The following APBB2 variants were observed in gnomAD, a reference collection of about 807,000 sequenced individuals.
APBB2 encodes Fe65-like 1.
Under a neutral mutation model 82.5 loss-of-function variants are expected in APBB2, and 38 were observed. That is an observed-to-expected ratio of 0.46 (90% CI 0.36 to 0.60). APBB2 has a LOEUF of 0.60. Ranked by LOEUF, APBB2 falls within the 20% of genes least tolerant of loss-of-function variation. The probability of loss-of-function intolerance (pLI) is 0.00; values close to 1 mark genes in which losing one functional copy is unlikely to be tolerated. For synonymous variants in APBB2, 341 were observed against 368.2 expected, an observed-to-expected ratio of 0.93 and a Z score of 0.85; for missense variants, 772 against 972.3, an observed-to-expected ratio of 0.79 and a Z score of 2.74.
rs190165985 is a variant in APBB2, at chr4:40,917,510, G to A, written c.1254+16946C>T. On this transcript the variant is annotated intron_variant, in intron 10 of 17. Transcript: ENST00000508593. ...CATATCCCACAATACCTAGGTAAGTGCTAAGCAGATAACCAGTACTTAAGA... is the reference window on the plus strand; with the variant it reads ...CATATCCCACAATACCTAGGTAAGTACTAAGCAGATAACCAGTACTTAAGA... 9.2e-5 allele frequency among the ~76,000 whole-genome samples: 14 copies of A among 152,250 alleles called. 1 individual carries two copies. The East Asian group carries it at 2.7e-3, about 29-fold the overall frequency.
intron 1 of APBB2, among the ~76,000 whole-genome samples, chr4:41,189,655 T>C (rs1437199578): frequency 6.6e-6 from 1 of 152,198 alleles, no homozygotes; most frequent in Non-Finnish European, 1.5e-5. Context: ...TCAGTACAAG[T>C]AAATAGCGGT....
At chr4:41,089,091 G>A (rs1740842002) in intron 3 of APBB2, among the ~76,000 whole-genome samples, 1 of 152,132 alleles carries the variant, frequency 6.6e-6, no homozygotes, top group African/African-American at 2.4e-5. Context: ...ACCATCGCAG[G>A]TTAAACACAG....
chr4:41,211,407 C>T (rs1010715926), intron 1 of APBB2, among the ~76,000 whole-genome samples: 6 of 151,620 alleles, frequency 4.0e-5, no homozygotes, highest in East Asian at 1.9e-4. Flanking sequence ...CCCCCGCCCC[C>T]GGAAAACTTA....
chr4:41,201,247 A>C (rs1289582672), intron 1 of APBB2, among the ~76,000 whole-genome samples: 1 of 152,202 alleles, frequency 6.6e-6, no homozygotes, highest in Non-Finnish European at 1.5e-5. Flanking sequence ...ACATTTCCCA[A>C]GCCTATCAAA....
intron 6 of APBB2, among the ~76,000 whole-genome samples, chr4:40,961,719 C>T (rs1257678452): frequency 1.5e-5 from 2 of 129,398 alleles, no homozygotes; most frequent in Admixed American, 7.9e-5. Flanking sequence ...TTTCCTGATT[C>T]TCATCTGGCC....
intron 1 of APBB2, among the ~76,000 whole-genome samples, chr4:41,202,937 A>G (rs1343320841): frequency 6.6e-6 from 1 of 152,218 alleles, no homozygotes; most frequent in Non-Finnish European, 1.5e-5. Context: ...AATTGTATAT[A>G]TACTCCAAAT....
intron 6 of APBB2, among the ~76,000 whole-genome samples, chr4:40,962,595 T>C (rs1487945811): frequency 6.6e-6 from 1 of 152,182 alleles, no homozygotes; most frequent in Non-Finnish European, 1.5e-5. Context: ...AGGTGGGCAA[T>C]GTAAGTTTTC....
At chr4:40,934,816 G>A (rs1578556904) in intron 8 of APBB2, 117 bp from the exon 9 acceptor site, 2 of 763,496 alleles carry the variant, frequency 2.6e-6, no homozygotes, top group Non-Finnish European at 4.4e-6. Flanking sequence ...CGTGAGCTTA[G>A]GCAGAGAAAG....
At chr4:40,837,700 C>T (rs1045335559) in intron 12 of APBB2, among the ~76,000 whole-genome samples, 1 of 152,208 alleles carries the variant, frequency 6.6e-6, no homozygotes, top group South Asian at 2.1e-4. Flanking sequence ...ATCTGCTGCC[C>T]ATACATGGAG....
At chr4:41,180,639 C>A (rs1029662946) in intron 1 of APBB2, among the ~76,000 whole-genome samples, 1 of 152,002 alleles carries the variant, frequency 6.6e-6, no homozygotes, top group Non-Finnish European at 1.5e-5. Flanking sequence ...CAGAGTAAGA[C>A]CCTGTCTCTA....
At chr4:41,036,852 T>C (rs896350492) in intron 4 of APBB2, among the ~76,000 whole-genome samples, 2 of 152,212 alleles carry the variant, frequency 1.3e-5, no homozygotes, top group Admixed American at 6.5e-5. Flanking sequence ...GAATCTCATC[T>C]AATTAAAACA....
chr4:41,162,376 A>G (rs1765402909), intron 1 of APBB2, among the ~76,000 whole-genome samples: 1 of 152,106 alleles, frequency 6.6e-6, no homozygotes, highest in South Asian at 2.1e-4. Flanking sequence ...TGATAAAATC[A>G]GATCAATTGT....
At chr4:40,853,371 CCCCA>C (rs71648928) in intron 12 of APBB2, among the ~76,000 whole-genome samples, 52,646 of 151,782 alleles carry the variant, frequency 0.35, 10,243 homozygotes, top group Non-Finnish European at 0.45. Context: ...AGGATCCTGT[CCCCA>C]CCCACCTCTT....
In APBB2 at chr4:40,815,999, G is replaced by A; in HGVS notation, c.*93C>T. ...TAAATTCTCTGAAGACAAAGCATCA[G>A]CAACTGGATGGAAGGTCGGATGGCG... On this transcript the variant is annotated 3_prime_UTR_variant, in exon 18 of 18. Transcript: ENST00000508593. 8.4e-6 allele frequency: 12 copies of A among 1,420,846 alleles called. No homozygotes were observed. The highest frequency in any genetic ancestry group is 1.2e-5 in the Non-Finnish European group (12 of 1,029,742). The allele number at this position is 1,420,846 out of a possible 1,614,324, so 88.0% of individuals were successfully genotyped here.
chr4:41,133,840 C>A (rs965024842), intron 2 of APBB2, among the ~76,000 whole-genome samples: 2 of 152,184 alleles, frequency 1.3e-5, no homozygotes, highest in African/African-American at 4.8e-5. Context: ...TTATCTTCTT[C>A]CTTCCTTCTC....
At chr4:40,841,009 G>T (rs1755637265) in intron 12 of APBB2, among the ~76,000 whole-genome samples, 1 of 152,150 alleles carries the variant, frequency 6.6e-6, no homozygotes, top group Admixed American at 6.5e-5. Context: ...CCCCGCCAGG[G>T]TCTCCTCAAA....
chr4:41,179,360 T>G (rs1158963684), intron 1 of APBB2, among the ~76,000 whole-genome samples: 1 of 152,194 alleles, frequency 6.6e-6, no homozygotes, highest in Non-Finnish European at 1.5e-5. Context: ...CATATCAACA[T>G]ATATATCAAT....
At chr4:40,942,963 C>A (rs184861408) in intron 7 of APBB2, among the ~76,000 whole-genome samples, 73 of 152,340 alleles carry the variant, frequency 4.8e-4, no homozygotes, top group African/African-American at 1.7e-3. Context: ...AGTCCACACA[C>A]CCCCGCCTGG....
chr4:41,066,514 C>T (rs528185830), intron 3 of APBB2, among the ~76,000 whole-genome samples: 41 of 152,262 alleles, frequency 2.7e-4, no homozygotes, highest in African/African-American at 8.7e-4. Flanking sequence ...CACCCTAGGG[C>T]CATGGGATGA....
Sources: allele counts gnomAD v4.1 joint callset (sites outside exome capture counted in the v4.1 genomes callset), GRCh38; gene constraint gnomAD v4.1.1; transcripts MANE v1.5; gene names NCBI Gene and HGNC (gene_info 2026-07-23, HGNC 2026-07-21).